CRYBA1: variants seen among roughly 807,000 people sequenced by gnomAD.
CRYBA1 encodes the protein beta-crystallin A3.
In CRYBA1, 25 loss-of-function variants were observed where a neutral mutation model predicts 36.2. The ratio of observed to expected loss-of-function variants is 0.69; its 90% CI spans 0.50 to 0.97. The LOEUF is 0.97. Ranked by LOEUF, CRYBA1 falls within the 50% of genes least tolerant of loss-of-function variation. The pLI is 0.00. For synonymous variants in CRYBA1, 111 were observed against 90.0 expected (o/e 1.23, Z -1.32); for missense variants, 224 against 276.3 (o/e 0.81, Z 1.34).
At chr17:29,253,822 C>T (rs766559061) in intron 5 of CRYBA1, 40 bp downstream of exon 5, 2 of 1,610,338 alleles carry the variant, frequency 1.2e-6, no homozygotes, top group Non-Finnish European at 1.7e-6. Flanking sequence ...TTCAAAGTAA[C>T]TCCTGAGGTT....
At chr17:29,252,625 G>C (rs147510652) in intron 4 of CRYBA1, among the ~76,000 whole-genome samples, 1,599 of 104,876 alleles carry the variant, frequency 0.015, 9 homozygotes, top group Middle Eastern at 0.13. Flanking sequence ...AAGTCTTCCA[G>C]TATCGATCTA....
chr17:29,253,662 C>A lies in CRYBA1; in HGVS notation c.380C>A (p.Thr127Asn). The change falls in exon 5 of 6, where the codon ACC becomes AAC. Residue 127 changes from threonine (T) to asparagine (N), a missense_variant. Transcript: ENST00000225387. ...CSANHKESKMTIFEKENFIGR... is the reference protein window; with the variant it reads ...CSANHKESKMNIFEKENFIGR... Reference sequence around the variant, plus strand: ...CAGAATCATAAGGAGTCTAAGATGACCATCTTTGAGAAGGAAAACTTTATT... The same window carrying A: ...CAGAATCATAAGGAGTCTAAGATGAACATCTTTGAGAAGGAAAACTTTATT... 1 of 1,613,122 alleles carries A rather than the reference C, an allele frequency of 6.2e-7. No individual in the cohort carries two copies. Among genetic ancestry groups the A allele is most frequent in the Non-Finnish European group, 8.5e-7 (1 of 1,179,108 alleles).
chr17:29,249,122 G>C lies in CRYBA1; in HGVS notation c.32-20G>C, dbSNP rs752001488. ...CTCCTCCCAAGAGGCCACATCATTC[G>C]TGTGTGCTCTGTCTTCCAGAAACCC... is the stretch of plus-strand genomic sequence containing the variant. On this transcript the variant is annotated intron_variant, in intron 1 of 5. Coordinates refer to ENST00000225387, the MANE Select transcript of CRYBA1 (RefSeq NM_005208.5). The C allele has an allele frequency of 7.6e-6, 12 of 1,576,080 alleles. No individual in the cohort carries two copies. In the Admixed American group the frequency reaches 2.0e-4, roughly 26 times the overall value.
chr17:29,248,012 A>G (rs952528349), intron 1 of CRYBA1, among the ~76,000 whole-genome samples: 1 of 152,020 alleles, frequency 6.6e-6, no homozygotes, highest in African/African-American at 2.4e-5. Flanking sequence ...GCTACTAGGG[A>G]GGCTGAGACA....
chr17:29,254,349 G>C lies in CRYBA1; in HGVS notation c.648G>C (p.Ter216TyrextTer17), dbSNP rs1297576841. 1.2e-6 allele frequency: 2 copies of C among 1,614,036 alleles called. No homozygotes were observed. The highest frequency in any genetic ancestry group is 1.7e-6 in the Non-Finnish European group (2 of 1,180,006). ...QIQSIRRIQQ* is the reference protein window; with the variant it reads ...QIQSIRRIQQY ...AATCGATTCGCCGAATCCAACAGTAGCTGATTAAAAGCTCCAAGTACGATA... is the reference window on the plus strand; with the variant it reads ...AATCGATTCGCCGAATCCAACAGTACCTGATTAAAAGCTCCAAGTACGATA... Residue 216 changes from the stop codon to tyrosine (Y), a stop_lost, in exon 6 of 6, where the codon TAG becomes TAC. Coordinates refer to ENST00000225387, the MANE Select transcript of CRYBA1 (RefSeq NM_005208.5).
chr17:29,254,364 C>T lies in CRYBA1; in HGVS notation c.*15C>T. On this transcript the variant is annotated 3_prime_UTR_variant, in exon 6 of 6. Coordinates refer to ENST00000225387, the MANE Select transcript of CRYBA1 (RefSeq NM_005208.5). ...TCCAACAGTAGCTGATTAAAAGCTCCAAGTACGATAATTCCTCAAGCATGA... is the reference window on the plus strand; with the variant it reads ...TCCAACAGTAGCTGATTAAAAGCTCTAAGTACGATAATTCCTCAAGCATGA... 1 of 1,613,850 alleles carries T rather than the reference C, an allele frequency of 6.2e-7. No individual in the cohort carries two copies. The highest frequency in any genetic ancestry group is 8.5e-7 in the Non-Finnish European group (1 of 1,179,830).
At chr17:29,247,864 C>T (rs983978958) in intron 1 of CRYBA1, among the ~76,000 whole-genome samples, 8 of 152,306 alleles carry the variant, frequency 5.3e-5, no homozygotes, top group Middle Eastern at 3.4e-3. Flanking sequence ...TGCCTGTAAT[C>T]GCAGCACTTT....
At chr17:29,249,020 G>C in intron 1 of CRYBA1, 122 bp from the exon 2 acceptor site, 3 of 745,338 alleles carry the variant, frequency 4.0e-6, no homozygotes, top group Non-Finnish European at 7.4e-6. Flanking sequence ...GTGAGCAGCA[G>C]AGCCAGAATT....
rs1165142705 is a variant in CRYBA1, at chr17:29,252,064, C to T, written c.216C>T (p.Ala72=). Residue 72 remains alanine, a splice_region_variant and synonymous_variant, in exon 4 of 6, where the codon GCC becomes GCT. Coordinates refer to ENST00000225387, the MANE Select transcript of CRYBA1 (RefSeq NM_005208.5). ...AACAAACACTACATGTCTTTGGCAGCTGGATTGGTTATGAGCATACCAGCT... is the reference window on the plus strand; with the variant it reads ...AACAAACACTACATGTCTTTGGCAGTTGGATTGGTTATGAGCATACCAGCT... The part of the protein sequence containing the change: ...NVRSLKVESG[A]WIGYEHTSFC... The T allele has an allele frequency of 5.6e-6, 9 of 1,614,046 alleles. No individual in the cohort carries two copies. The highest frequency in any genetic ancestry group is 4.2e-6 in the Non-Finnish European group (5 of 1,180,042).
intron 4 of CRYBA1, among the ~76,000 whole-genome samples, chr17:29,252,411 T>G (rs956214981): frequency 9.9e-5 from 15 of 152,198 alleles, no homozygotes; most frequent in Admixed American, 3.3e-4. Flanking sequence ...AAGCTAAAAC[T>G]AAGGGTCTTA....
chr17:29,249,332 C>A, intron 2 of CRYBA1, 126 bp downstream of exon 2: 1 of 690,016 alleles, frequency 1.4e-6, no homozygotes, highest in Admixed American at 2.2e-5. Flanking sequence ...GGGAAAGGTC[C>A]ACACAAGCTC....
chr17:29,254,243 A>T lies in CRYBA1; in HGVS notation c.542A>T (p.Tyr181Phe). The change falls in exon 6 of 6, where the codon TAT (tyrosine) becomes TTT (phenylalanine). Residue 181 changes from tyrosine to phenylalanine, a missense_variant. Tyr to Phe is a conservative substitution (Grantham distance 22). Transcript: ENST00000225387. ...TATCCTGGATATCGTGGGTATCAGT[A>T]TATCTTGGAATGTGACCATCATGGA... is the stretch of plus-strand genomic sequence containing the variant. The part of the protein sequence containing the change: ...YQYPGYRGYQ[Y>F]ILECDHHGGD... The T allele has an allele frequency of 1.2e-6, 2 of 1,614,176 alleles. No individual in the cohort carries two copies. Among genetic ancestry groups the T allele is most frequent in the Middle Eastern group, 1.6e-4 (1 of 6,062 alleles).
Position 29,252,213 on chromosome 17 carries a change from T to C in CRYBA1, c.357+8T>C, listed in dbSNP as rs749764042. Reference sequence around the variant, plus strand: ...CGCCCCATCTGTTCAGCTGTGAGTCTCTGAAATTTCCACTTCCGTGCATAT... The same window carrying C: ...CGCCCCATCTGTTCAGCTGTGAGTCCCTGAAATTTCCACTTCCGTGCATAT... On this transcript the variant is annotated splice_region_variant and intron_variant, in intron 4 of 5. Transcript: ENST00000225387. 6.2e-7 allele frequency: 1 copy of C among 1,614,048 alleles called. No individual in the cohort carries two copies. Among genetic ancestry groups the C allele is most frequent in the South Asian group, 1.1e-5 (1 of 91,064 alleles).
intron 3 of CRYBA1, among the ~76,000 whole-genome samples, chr17:29,250,739 T>A (rs1434262572): frequency 6.6e-6 from 1 of 151,980 alleles, no homozygotes. Context: ...TTAGCTAATT[T>A]CTTTATGAAA....
Position 29,250,130 on chromosome 17 carries a change from C to T in CRYBA1, c.97-52C>T, listed in dbSNP as rs1598424850. 5 of 1,019,466 alleles carry T rather than the reference C, an allele frequency of 4.9e-6. No homozygotes were observed. In the East Asian group the frequency reaches 7.1e-5, roughly 14 times the overall value. The allele number at this position is 1,019,466 out of a possible 1,614,324, so 63.2% of individuals were successfully genotyped here. On this transcript the variant is annotated intron_variant, in intron 2 of 5. Coordinates refer to ENST00000225387, the MANE Select transcript of CRYBA1 (RefSeq NM_005208.5). ...CTGAAGTTAAGCTGTTGACCTGGAC[C>T]TCTGTTTTTCCTGATGTTCTAGCTC...
intron 1 of CRYBA1, 142 bp downstream of exon 1, chr17:29,247,036 A>T: frequency 1.1e-6 from 1 of 914,944 alleles, no homozygotes; most frequent in Non-Finnish European, 1.7e-6. Context: ...GGCGGAAGAC[A>T]GCCTTCTCTT....
intron 4 of CRYBA1, 43 bp downstream of exon 4, chr17:29,252,248 G>GAC: frequency 6.2e-7 from 1 of 1,612,394 alleles, no homozygotes; most frequent in Non-Finnish European, 8.5e-7. Context: ...TGAGGGATGG[G>GAC]ACAAGAGGGT....
At chr17:29,246,971 C>T in intron 1 of CRYBA1, 77 bp downstream of exon 1, 1 of 1,484,346 alleles carries the variant, frequency 6.7e-7, no homozygotes. Flanking sequence ...GGGCCCAGTT[C>T]TCCTGCCTAG....
chr17:29,251,989 A>G (rs2068938135), intron 3 of CRYBA1, 75 bp from the exon 4 acceptor site: 2 of 1,603,074 alleles, frequency 1.2e-6, no homozygotes, highest in South Asian at 1.1e-5. Flanking sequence ...TGACTTATCT[A>G]AAACGAAAGA....
Sources: gnomAD v4.1 joint callset for allele counts (sites outside exome capture counted in the v4.1 genomes callset) on GRCh38, gnomAD v4.1.1 for gene constraint, MANE v1.5 for transcripts, NCBI Gene and HGNC (gene_info 2026-07-23, HGNC 2026-07-21) for gene names.